ALDH1A2: variants seen among roughly 807,000 people sequenced by gnomAD.
ALDH1A2 encodes retinal dehydrogenase 2.
A neutral mutation model predicts 60.3 loss-of-function variants in ALDH1A2; 27 were observed. The observed-to-expected ratio is 0.45, with a 90% CI of 0.33 to 0.62. The LOEUF is 0.62. Among genes scored for constraint, ALDH1A2 ranks in the 20% least tolerant of loss-of-function variants. ALDH1A2 has a pLI of 0.02. For missense variants in ALDH1A2, 581 were observed against 643.8 expected (o/e 0.90, Z 1.06); for synonymous variants, 289 against 232.4 (o/e 1.24, Z -2.21).
At chr15:57,996,049 T>C (rs12917536) in intron 4 of ALDH1A2, among the ~76,000 whole-genome samples, 64,558 of 151,988 alleles carry the variant, frequency 0.42, 14,808 homozygotes, top group Non-Finnish European at 0.53. Flanking sequence ...CACTGATACT[T>C]GTTTTCTCTC....
intron 1 of ALDH1A2, among the ~76,000 whole-genome samples, chr15:58,063,206 A>C (rs544311861): frequency 1.2e-4 from 19 of 152,362 alleles, no homozygotes; most frequent in Non-Finnish European, 2.2e-4. Flanking sequence ...CATATCCTTC[A>C]CTAAAGATGT....
chr15:58,001,773 G>C (rs777956749), intron 4 of ALDH1A2, among the ~76,000 whole-genome samples: 1 of 151,874 alleles, frequency 6.6e-6, no homozygotes, highest in Non-Finnish European at 1.5e-5. Context: ...CTCCATTGTA[G>C]GGTATGAATG....
chr15:58,011,319 A>T (rs1026655968), intron 3 of ALDH1A2, among the ~76,000 whole-genome samples: 12 of 152,226 alleles, frequency 7.9e-5, no homozygotes, highest in African/African-American at 2.7e-4. Flanking sequence ...TTAACAACTT[A>T]AAGGCTGGTT....
At chr15:58,006,009 T>C (rs1387495660) in intron 4 of ALDH1A2, among the ~76,000 whole-genome samples, 1 of 136,056 alleles carries the variant, frequency 7.3e-6, no homozygotes, top group Non-Finnish European at 1.6e-5. Flanking sequence ...CGGGCATGTA[T>C]ATCCAAAGCA....
chr15:58,034,286 A>C (rs1213486814), intron 1 of ALDH1A2, among the ~76,000 whole-genome samples: 1 of 151,788 alleles, frequency 6.6e-6, no homozygotes, highest in Non-Finnish European at 1.5e-5. Context: ...CCAGTATATA[A>C]GAAATCAAAT....
chr15:57,978,605 C>T (rs537017458), intron 7 of ALDH1A2, among the ~76,000 whole-genome samples: 46 of 152,040 alleles, frequency 3.0e-4, no homozygotes, highest in Non-Finnish European at 6.0e-4. Flanking sequence ...GGTCCACAGT[C>T]ATATTTCACA....
chr15:58,051,282 A>G (rs920549775), intron 1 of ALDH1A2, among the ~76,000 whole-genome samples: 60 of 152,288 alleles, frequency 3.9e-4, no homozygotes, highest in African/African-American at 1.3e-3. Flanking sequence ...CTAATTGTGC[A>G]TAATTTATAG....
At chr15:57,973,862 TCA>T (rs1332132338) in intron 7 of ALDH1A2, among the ~76,000 whole-genome samples, 1 of 152,168 alleles carries the variant, frequency 6.6e-6, no homozygotes, top group Non-Finnish European at 1.5e-5. Flanking sequence ...CTTGCTCTAT[TCA>T]CACTGTAATA....
At chr15:58,054,586 C>G (rs1193858030) in intron 1 of ALDH1A2, among the ~76,000 whole-genome samples, 1 of 152,136 alleles carries the variant, frequency 6.6e-6, no homozygotes, top group Non-Finnish European at 1.5e-5. Context: ...CCAACTCTTT[C>G]TGGCAAGCAT....
At position 57,994,990 on chromosome 15, in the gene ALDH1A2, C is replaced by T. The variant is rs539418255; in HGVS notation, c.555+88G>A. On this transcript the variant is annotated intron_variant, in intron 5 of 12. Coordinates refer to ENST00000249750, the MANE Select transcript of ALDH1A2 (RefSeq NM_003888.4). ...TTTTTTTTCCTCCAGTAATGGAAAA[C>T]ACACATCGCTGAGGACCATGTTTTA... 45 of 1,277,394 alleles carry T rather than the reference C, an allele frequency of 3.5e-5. No individual in the cohort carries two copies. The African/African-American group carries it at 5.9e-4, about 17-fold the overall frequency. The allele number at this position is 1,277,394 out of a possible 1,614,324, so 79.1% of individuals were successfully genotyped here. A position where few individuals can be genotyped will look rare whatever the true frequency, so the allele number is the denominator to read the frequency against.
intron 1 of ALDH1A2, among the ~76,000 whole-genome samples, chr15:58,032,751 A>G (rs979424374): frequency 3.2e-4 from 49 of 151,908 alleles, no homozygotes; most frequent in African/African-American, 8.0e-4. Flanking sequence ...AGCACTATTC[A>G]CAATAGCAAA....
intron 12 of ALDH1A2, among the ~76,000 whole-genome samples, chr15:57,955,476 T>C (rs1269154804): frequency 6.6e-6 from 1 of 152,224 alleles, no homozygotes; most frequent in Non-Finnish European, 1.5e-5. Flanking sequence ...TAAAGAAGTT[T>C]TTTTAAAACT....
At chr15:58,010,853 A>G in intron 3 of ALDH1A2, 75 bp from the exon 4 acceptor site, 1 of 1,569,740 alleles carries the variant, frequency 6.4e-7, no homozygotes, top group South Asian at 1.1e-5. Flanking sequence ...GAGCAGAAGA[A>G]AAAAGGAAGA....
intron 5 of ALDH1A2, 30 bp downstream of exon 5, chr15:57,995,048 T>C (rs1895004860): frequency 6.3e-7 from 1 of 1,585,264 alleles, no homozygotes; most frequent in African/African-American, 1.4e-5. Flanking sequence ...CAAATGAAAA[T>C]AAATACGAGG....
At chr15:58,010,891 C>G in intron 3 of ALDH1A2, 113 bp from the exon 4 acceptor site, 1 of 1,334,540 alleles carries the variant, frequency 7.5e-7, no homozygotes, top group Non-Finnish European at 1.0e-6. Flanking sequence ...TATGGAGTTG[C>G]ATACCTGGTC....
At chr15:57,988,522 A>T (rs953694970) in intron 7 of ALDH1A2, among the ~76,000 whole-genome samples, 23 of 152,234 alleles carry the variant, frequency 1.5e-4, no homozygotes, top group African/African-American at 5.5e-4. Context: ...TTCCATTTAT[A>T]TGAAATTCTA....
intron 7 of ALDH1A2, among the ~76,000 whole-genome samples, chr15:57,978,649 T>A (rs1217134618): frequency 6.6e-6 from 1 of 151,686 alleles, no homozygotes; most frequent in African/African-American, 2.4e-5. Flanking sequence ...GGGTGGGGGG[T>A]CCCTGTGCAG....
chr15:57,984,599 A>G (rs1366383126), intron 7 of ALDH1A2, among the ~76,000 whole-genome samples: 1 of 152,212 alleles, frequency 6.6e-6, no homozygotes, highest in Admixed American at 6.5e-5. Context: ...TGGATATTTC[A>G]TACAGTCACA....
rs1045263673 is a variant in ALDH1A2, at chr15:58,065,635, T to C, written c.16A>G (p.Ile6Val). Residue 6 changes from isoleucine (I) to valine (V), a missense_variant, in exon 1 of 13, where the codon ATA (isoleucine) becomes GTA (valine). Around this residue, in one of 2 missense-constraint regions of ALDH1A2, gnomAD observed 206 missense variants for 174.1 expected, o/e 1.18. Coordinates refer to ENST00000249750, the MANE Select transcript of ALDH1A2 (RefSeq NM_003888.4). ...GCCTTCACCTCGCCGGGCATCTCTA[T>C]CTTGCTGGAAGTCATGGTGGCGGGC... is the stretch of plus-strand genomic sequence containing the variant. MTSSK[I>V]EMPGEVKADP... 6.2e-7 allele frequency: 1 copy of C among 1,601,814 alleles called. No individual in the cohort carries two copies. Among genetic ancestry groups the C allele is most frequent in the African/African-American group, 1.3e-5 (1 of 74,634 alleles).
Sources: allele counts gnomAD v4.1 joint callset (sites outside exome capture counted in the v4.1 genomes callset), GRCh38; gene constraint gnomAD v4.1.1; regional missense constraint gnomAD v4.1.1; transcripts MANE v1.5; gene names NCBI Gene and HGNC (gene_info 2026-07-23, HGNC 2026-07-21).